The following UBE2R2 variants were observed in gnomAD, a reference collection of about 807,000 sequenced individuals.
UBE2R2 encodes ubiquitin-conjugating enzyme E2 R2.
Under a neutral mutation model 27.8 loss-of-function variants are expected in UBE2R2, and 1 was observed. The ratio of observed to expected loss-of-function variants is 0.04; its 90% CI spans 0.01 to 0.17. The LOEUF (loss-of-function observed/expected upper bound fraction) is 0.17. Ranked by LOEUF, UBE2R2 falls within the 10% of genes least tolerant of loss-of-function variation. The probability of loss-of-function intolerance (pLI) is 1.00; values close to 1 mark genes in which losing one functional copy is unlikely to be tolerated. For missense variants in UBE2R2, 100 were observed against 291.0 expected (o/e 0.34, Z 4.78); for synonymous variants, 106 against 113.3 (o/e 0.94, Z 0.41).
intron 4 of UBE2R2, among the ~76,000 whole-genome samples, chr9:33,912,963 T>A (rs1822526378): frequency 6.6e-6 from 1 of 150,466 alleles, no homozygotes; most frequent in South Asian, 2.1e-4. Flanking sequence ...TTCTAATTAA[T>A]TTTTTTTTTC....
Position 33,917,689 on chromosome 9 carries a change from A to C in UBE2R2, c.*452A>C. 1 of 226,660 alleles carries C rather than the reference A, an allele frequency of 4.4e-6. No individual in the cohort carries two copies. The highest frequency in any genetic ancestry group is 8.5e-6 in the Non-Finnish European group (1 of 117,242). 14.0% of individuals were successfully genotyped at this position (226,660 alleles called of 1,614,324 possible). On this transcript the variant is annotated 3_prime_UTR_variant, in exon 5 of 5. Transcript: ENST00000263228. ...AGCAAAAGAAAATGGAAAAAAACCC[A>C]CAAAACAAACTTTAAAAAAAAAAAA...
At chr9:33,908,168 A>G (rs542226077) in intron 3 of UBE2R2, among the ~76,000 whole-genome samples, 1 of 152,310 alleles carries the variant, frequency 6.6e-6, no homozygotes, top group East Asian at 1.9e-4. Context: ...GTATTCCAAC[A>G]GTATTATCTC....
intron 2 of UBE2R2, among the ~76,000 whole-genome samples, chr9:33,892,039 G>T (rs1347495752): frequency 6.6e-6 from 1 of 152,106 alleles, no homozygotes; most frequent in Non-Finnish European, 1.5e-5. Context: ...TACCATATTT[G>T]TGAAATTCAT....
intron 1 of UBE2R2, among the ~76,000 whole-genome samples, chr9:33,854,563 C>A (rs1393388862): frequency 2.0e-5 from 3 of 152,048 alleles, no homozygotes; most frequent in Non-Finnish European, 2.9e-5. Flanking sequence ...TTTACGTGAT[C>A]CGCCTGCTTC....
At chr9:33,865,016 G>A (rs991484998) in intron 1 of UBE2R2, among the ~76,000 whole-genome samples, 3 of 151,402 alleles carry the variant, frequency 2.0e-5, no homozygotes, top group African/African-American at 4.9e-5. Context: ...GAGCCACCAC[G>A]CCCAGCCAAC....
At chr9:33,853,084 T>C (rs1264384029) in intron 1 of UBE2R2, among the ~76,000 whole-genome samples, 1 of 152,192 alleles carries the variant, frequency 6.6e-6, no homozygotes, top group Non-Finnish European at 1.5e-5. Context: ...CCAACTGTTT[T>C]AGCAGTAAGA....
intron 3 of UBE2R2, among the ~76,000 whole-genome samples, chr9:33,904,092 C>T (rs546465864): frequency 6.6e-6 from 1 of 152,316 alleles, no homozygotes; most frequent in East Asian, 1.9e-4. Context: ...GAGCGGAAGT[C>T]AGGAAAGCAC....
intron 1 of UBE2R2, among the ~76,000 whole-genome samples, chr9:33,827,349 AAAAT>A (rs1820336883): frequency 6.6e-6 from 1 of 152,022 alleles, no homozygotes; most frequent in African/African-American, 2.4e-5. Context: ...AGTTAAATTA[AAAAT>A]AAATAGGCTG....
intron 1 of UBE2R2, among the ~76,000 whole-genome samples, chr9:33,824,022 A>T (rs1016835211): frequency 2.6e-5 from 4 of 152,196 alleles, no homozygotes; most frequent in Non-Finnish European, 5.9e-5. Flanking sequence ...ATAAATGGAA[A>T]CACAGTTAAG....
Position 33,917,168 on chromosome 9 carries a change from T to A in UBE2R2, c.648T>A (p.Asp216Glu). 1 of 1,614,166 alleles carries A rather than the reference T, an allele frequency of 6.2e-7. No homozygotes were observed. Among genetic ancestry groups the A allele is most frequent in the Admixed American group, 1.7e-5 (1 of 60,028 alleles). ...LYDDLYDDDI[D>E]DEDEEEEDAD... ...ACGACTTGTATGATGACGACATTGA[T>A]GATGAAGATGAGGAGGAGGAAGATG... Residue 216 changes from aspartate (D) to glutamate (E), a missense_variant, in exon 5 of 5, where the codon GAT becomes GAA. Physicochemically the swap from Asp to Glu is conservative, Grantham distance 45 (BLOSUM62 2). Around this residue, in one of 3 missense-constraint regions of UBE2R2, gnomAD observed 55 missense variants for 122.6 expected, o/e 0.45. Transcript: ENST00000263228.
At chr9:33,847,014 G>A (rs1041903367) in intron 1 of UBE2R2, among the ~76,000 whole-genome samples, 80 of 138,852 alleles carry the variant, frequency 5.8e-4, no homozygotes, top group African/African-American at 2.0e-3. Flanking sequence ...TTTTTTGAAG[G>A]TTTTTTTTTT....
intron 1 of UBE2R2, among the ~76,000 whole-genome samples, chr9:33,845,407 C>G (rs553346109): frequency 6.6e-6 from 1 of 151,794 alleles, no homozygotes; most frequent in Non-Finnish European, 1.5e-5. Context: ...CCACCACACC[C>G]GGCTCATTTT....
rs1821593535 is a variant in UBE2R2 at position 33,875,942 on chromosome 9, C to A, written c.178-10939C>A. On this transcript the variant is annotated intron_variant, in intron 1 of 4. Transcript: ENST00000263228. ...GTTAATAGCAAGTTATATCTTATTTCATAAAATTTCAAAAAGGGAAGAAAT... is the reference window on the plus strand; with the variant it reads ...GTTAATAGCAAGTTATATCTTATTTAATAAAATTTCAAAAAGGGAAGAAAT... Among the ~76,000 whole-genome samples the A allele has an allele frequency of 2.6e-5, 4 of 152,262 alleles. No individual in the cohort carries two copies. The South Asian group carries it at 8.3e-4, about 32-fold the overall frequency.
chr9:33,891,057 T>G lies in UBE2R2; in HGVS notation c.264+4090T>G, dbSNP rs541214053. On this transcript the variant is annotated intron_variant, in intron 2 of 4. Transcript: ENST00000263228. Reference sequence around the variant, plus strand: ...TTTTGTTGTTGTTGTGTTTTTTTGTTTTTTTTTTTTGAGATGGAGTCTTGC... The same window carrying G: ...TTTTGTTGTTGTTGTGTTTTTTTGTGTTTTTTTTTTGAGATGGAGTCTTGC... Among the ~76,000 whole-genome samples the G allele has an allele frequency of 1.8e-3, 231 of 125,394 alleles. 2 individuals are homozygous for G. The highest frequency in any genetic ancestry group is 3.7e-3 in the Non-Finnish European group (195 of 52,040). The allele number at this position is 125,394 out of a possible 152,430, so 82.3% of individuals were successfully genotyped here.
At chr9:33,902,089 A>AT (rs1313375887) in intron 3 of UBE2R2, among the ~76,000 whole-genome samples, 5 of 150,920 alleles carry the variant, frequency 3.3e-5, no homozygotes, top group Non-Finnish European at 7.4e-5. Flanking sequence ...AAGATTTTGT[A>AT]TTTTTTTTGT....
At chr9:33,869,119 A>C (rs1821425582) in intron 1 of UBE2R2, among the ~76,000 whole-genome samples, 2 of 152,048 alleles carry the variant, frequency 1.3e-5, no homozygotes, top group Non-Finnish European at 1.5e-5. Context: ...AATGAAAAAA[A>C]CTAGTTGGGT....
intron 1 of UBE2R2, among the ~76,000 whole-genome samples, chr9:33,868,930 A>C (rs529499952): frequency 1.3e-5 from 2 of 152,262 alleles, no homozygotes; most frequent in African/African-American, 4.8e-5. Flanking sequence ...TATGTTAATA[A>C]ATAGGTAGCA....
chr9:33,821,732 C>T (rs1236743917), intron 1 of UBE2R2, among the ~76,000 whole-genome samples: 1 of 151,892 alleles, frequency 6.6e-6, no homozygotes, highest in African/African-American at 2.4e-5. Flanking sequence ...TCTCTTGCCT[C>T]AGCCTCCCGA....
chr9:33,829,413 T>A (rs1157190174), intron 1 of UBE2R2, among the ~76,000 whole-genome samples: 1 of 152,164 alleles, frequency 6.6e-6, no homozygotes, highest in Non-Finnish European at 1.5e-5. Flanking sequence ...GCTTAAGTGA[T>A]GAGAGATTAC....
Sources: gnomAD v4.1 joint callset for allele counts (sites outside exome capture counted in the v4.1 genomes callset) on GRCh38, gnomAD v4.1.1 for gene constraint, gnomAD v4.1.1 regional missense constraint, MANE v1.5 for transcripts, NCBI Gene and HGNC (gene_info 2026-07-23, HGNC 2026-07-21) for gene names.